Variants in MAD1L1 observed in about 807,000 individuals in gnomAD.
MAD1L1 encodes the protein mitotic spindle assembly checkpoint protein MAD1.
MAD1L1 carries 95 observed loss-of-function variants against 96.9 expected under a neutral mutation model. The observed-to-expected ratio is 0.98, with a 90% CI of 0.83 to 1.16. The LOEUF is 1.16. MAD1L1 is among the 50% of genes most tolerant of loss of function. The pLI is 0.00. For synonymous variants in MAD1L1, 473 were observed against 396.6 expected (o/e 1.19, Z -2.29); for missense variants, 1,007 against 954.4 (o/e 1.06, Z -0.73).
chr7:2,195,815 G>A (rs1163108461), intron 10 of MAD1L1, among the ~76,000 whole-genome samples: 4 of 152,252 alleles, frequency 2.6e-5, no homozygotes, highest in African/African-American at 9.6e-5. Context: ...GCAAAGGCAG[G>A]CAGGTCAGCC....
intron 18 of MAD1L1, among the ~76,000 whole-genome samples, chr7:1,862,539 A>G (rs542635858): frequency 1.3e-5 from 2 of 152,316 alleles, no homozygotes; most frequent in South Asian, 4.1e-4. Context: ...GAGTCTCTCA[A>G]CCTTTCACAG....
In MAD1L1 at chr7:2,102,342, A is replaced by G. The variant is rs1189617437; in HGVS notation, c.1074-33004T>C. The stretch of plus-strand genomic sequence containing the variant: ...CACCGCCGTCACCATCACCATCACC[A>G]CCGCCACCATCACCACCGTCACTAT... On this transcript the variant is annotated intron_variant, in intron 11 of 18. Transcript: ENST00000265854. 2.3e-4 allele frequency among the ~76,000 whole-genome samples: 35 copies of G among 149,756 alleles called. No homozygotes were observed. The South Asian group carries it at 7.5e-3, about 32-fold the overall frequency.
At chr7:2,131,880 A>T (rs574867253) in intron 11 of MAD1L1, among the ~76,000 whole-genome samples, 1 of 152,214 alleles carries the variant, frequency 6.6e-6, no homozygotes, top group East Asian at 1.9e-4. Flanking sequence ...TGGCAGTCAC[A>T]CAAGTCCTGT....
intron 10 of MAD1L1, among the ~76,000 whole-genome samples, chr7:2,207,212 G>C (rs568803151): frequency 6.6e-6 from 1 of 151,916 alleles, no homozygotes; most frequent in Admixed American, 6.6e-5. Flanking sequence ...TCCAATACAC[G>C]ACCACAGTAC....
intron 7 of MAD1L1, 42 bp from the exon 8 acceptor site, chr7:2,216,329 A>G: frequency 6.3e-7 from 1 of 1,597,358 alleles, no homozygotes; most frequent in Non-Finnish European, 8.5e-7. Context: ...AAAATGAGCC[A>G]CGAAGAGACC....
intron 11 of MAD1L1, among the ~76,000 whole-genome samples, chr7:2,138,835 C>G (rs1788883863): frequency 6.6e-6 from 1 of 152,148 alleles, no homozygotes; most frequent in South Asian, 2.1e-4. Flanking sequence ...GACCACAGAC[C>G]CCACTCCTGC....
At chr7:2,166,369 G>A (rs1056109357) in intron 10 of MAD1L1, among the ~76,000 whole-genome samples, 1 of 152,188 alleles carries the variant, frequency 6.6e-6, no homozygotes, top group African/African-American at 2.4e-5. Flanking sequence ...AGCTCAGGAA[G>A]GATCTCAAGG....
At chr7:2,214,929 T>C (rs1584569131) in intron 9 of MAD1L1, among the ~76,000 whole-genome samples, 1 of 152,092 alleles carries the variant, frequency 6.6e-6, no homozygotes, top group East Asian at 1.9e-4. Context: ...ACAAACTAAG[T>C]GGCTTCAAAC....
At chr7:2,007,067 T>C (rs1046603097) in intron 13 of MAD1L1, among the ~76,000 whole-genome samples, 1 of 151,074 alleles carries the variant, frequency 6.6e-6, no homozygotes, top group African/African-American at 2.4e-5. Flanking sequence ...GAGAGAGGAA[T>C]GGGAACTCCA....
intron 17 of MAD1L1, among the ~76,000 whole-genome samples, chr7:1,912,409 C>T (rs541877778): frequency 1.2e-3 from 179 of 152,334 alleles, no homozygotes; most frequent in Admixed American, 2.9e-3. Flanking sequence ...GTGAGGCAGG[C>T]GGCAGGTGTG....
intron 18 of MAD1L1, among the ~76,000 whole-genome samples, chr7:1,850,239 G>A (rs1262564423): frequency 2.0e-5 from 3 of 152,120 alleles, no homozygotes; most frequent in Admixed American, 6.5e-5. Flanking sequence ...ACCGACAGGC[G>A]CCCAGTCAGG....
intron 10 of MAD1L1, among the ~76,000 whole-genome samples, chr7:2,162,153 G>A (rs1056611342): frequency 6.6e-6 from 1 of 152,166 alleles, no homozygotes; most frequent in Non-Finnish European, 1.5e-5. Flanking sequence ...AGAAAAGGGG[G>A]AAATGTGGGG....
intron 11 of MAD1L1, among the ~76,000 whole-genome samples, chr7:2,095,935 G>A (rs1280694049): frequency 1.3e-5 from 2 of 152,240 alleles, no homozygotes; most frequent in African/African-American, 4.8e-5. Context: ...TTGCTTCTGT[G>A]AAGGAAGGAG....
chr7:1,892,389 C>T (rs145339107), intron 18 of MAD1L1, among the ~76,000 whole-genome samples: 45 of 152,350 alleles, frequency 3.0e-4, no homozygotes, highest in African/African-American at 1.1e-3. Context: ...CATATACACA[C>T]AGGTGAGTGC....
At chr7:2,145,844 G>A (rs945508101) in intron 11 of MAD1L1, among the ~76,000 whole-genome samples, 1 of 152,202 alleles carries the variant, frequency 6.6e-6, no homozygotes, top group Non-Finnish European at 1.5e-5. Context: ...AGGCAGCAAC[G>A]GCAGGAACTC....
chr7:2,184,767 T>G (rs886156407), intron 10 of MAD1L1, among the ~76,000 whole-genome samples: 4 of 152,144 alleles, frequency 2.6e-5, no homozygotes, highest in Non-Finnish European at 4.4e-5. Context: ...TTTGGGAGGC[T>G]GAGGCAGGCG....
chr7:1,910,507 C>A (rs577719525), intron 17 of MAD1L1, among the ~76,000 whole-genome samples: 1 of 152,248 alleles, frequency 6.6e-6, no homozygotes, highest in Non-Finnish European at 1.5e-5. Flanking sequence ...AAAGCTGGAG[C>A]CCACGCTGGG....
At chr7:1,982,806 A>T (rs1366927651) in intron 14 of MAD1L1, among the ~76,000 whole-genome samples, 1 of 152,164 alleles carries the variant, frequency 6.6e-6, no homozygotes, top group African/African-American at 2.4e-5. Context: ...TGAAGCCAAT[A>T]CTTTCTTATT....
intron 14 of MAD1L1, among the ~76,000 whole-genome samples, chr7:1,982,643 AG>A (rs1780958404): frequency 6.6e-6 from 1 of 152,236 alleles, no homozygotes; most frequent in South Asian, 2.1e-4. Flanking sequence ...AGCAGCAAAG[AG>A]GGACGATTTT....
Sources: gnomAD v4.1 joint callset for allele counts (sites outside exome capture counted in the v4.1 genomes callset) on GRCh38, gnomAD v4.1.1 for gene constraint, MANE v1.5 for transcripts, NCBI Gene and HGNC (gene_info 2026-07-23, HGNC 2026-07-21) for gene names.